The following GALNT17 variants were observed in gnomAD, a reference collection of about 807,000 sequenced individuals.
GALNT17 encodes polypeptide N-acetylgalactosaminyltransferase 17.
In GALNT17, 29 loss-of-function variants were observed where a neutral mutation model predicts 63.7. The ratio of observed to expected loss-of-function variants is 0.46; its 90% CI spans 0.34 to 0.62. The LOEUF is 0.62. Among genes scored for constraint, GALNT17 ranks in the 20% least tolerant of loss-of-function variants. GALNT17 has a pLI of 0.01. For missense variants in GALNT17, 603 were observed against 799.6 expected, an observed-to-expected ratio of 0.75 and a Z score of 2.97; for synonymous variants, 305 against 318.3, an observed-to-expected ratio of 0.96 and a Z score of 0.45.
At chr7:71,186,475 T>C (rs1170124514) in intron 1 of GALNT17, among the ~76,000 whole-genome samples, 1 of 152,240 alleles carries the variant, frequency 6.6e-6, no homozygotes, top group Non-Finnish European at 1.5e-5. Context: ...CTATCTTTGC[T>C]CTTCTTTGGA....
intron 4 of GALNT17, among the ~76,000 whole-genome samples, chr7:71,419,047 C>A (rs1466020351): frequency 6.6e-6 from 1 of 152,076 alleles, no homozygotes; most frequent in African/African-American, 2.4e-5. Flanking sequence ...TGCCATTGCA[C>A]TATAGCCTGA....
chr7:71,616,375 A>C (rs868688042), intron 6 of GALNT17, among the ~76,000 whole-genome samples: 46 of 151,700 alleles, frequency 3.0e-4, no homozygotes, highest in African/African-American at 1.0e-3. Flanking sequence ...TTACCATATG[A>C]ACTGGCCAGT....
intron 5 of GALNT17, among the ~76,000 whole-genome samples, chr7:71,514,018 T>A (rs1584017194): frequency 6.6e-6 from 1 of 152,196 alleles, no homozygotes. Flanking sequence ...ACAGCAAGAC[T>A]GTCTCTACAA....
intron 1 of GALNT17, among the ~76,000 whole-genome samples, chr7:71,236,928 A>C (rs1335481086): frequency 6.6e-6 from 1 of 152,214 alleles, no homozygotes; most frequent in Non-Finnish European, 1.5e-5. Context: ...CTCCACGCTC[A>C]CTGAGTGTCC....
At chr7:71,566,485 C>G (rs950871054) in intron 5 of GALNT17, among the ~76,000 whole-genome samples, 7 of 152,000 alleles carry the variant, frequency 4.6e-5, no homozygotes, top group African/African-American at 1.7e-4. Context: ...CTCAGAAACA[C>G]CCTCTAGAAA....
intron 6 of GALNT17, among the ~76,000 whole-genome samples, chr7:71,604,734 C>T (rs1790020981): frequency 6.6e-6 from 1 of 152,172 alleles, no homozygotes; most frequent in Non-Finnish European, 1.5e-5. Flanking sequence ...AAGCCCAAGT[C>T]CTCTTCTGTA....
intron 5 of GALNT17, among the ~76,000 whole-genome samples, chr7:71,456,907 A>G (rs2116568020): frequency 6.6e-6 from 1 of 152,312 alleles, no homozygotes; most frequent in East Asian, 1.9e-4. Flanking sequence ...TGTGTAAGAC[A>G]GACATTGGTT....
At chr7:71,138,974 CAAAT>C (rs528690832) in intron 1 of GALNT17, among the ~76,000 whole-genome samples, 6 of 152,130 alleles carry the variant, frequency 3.9e-5, no homozygotes, top group Admixed American at 3.3e-4. Context: ...GATTTGGTCT[CAAAT>C]AAATAAATAA....
intron 9 of GALNT17, among the ~76,000 whole-genome samples, chr7:71,706,252 C>T (rs1204917520): frequency 6.6e-6 from 1 of 152,172 alleles, no homozygotes; most frequent in Non-Finnish European, 1.5e-5. Context: ...CAGGGGCCCT[C>T]CTCACCTGCC....
At chr7:71,648,703 C>G (rs1217933624) in intron 6 of GALNT17, among the ~76,000 whole-genome samples, 2 of 152,194 alleles carry the variant, frequency 1.3e-5, no homozygotes, top group Non-Finnish European at 2.9e-5. Context: ...TCCCAAAACA[C>G]TGGGATTACA....
intron 1 of GALNT17, among the ~76,000 whole-genome samples, chr7:71,189,123 A>C (rs1295260090): frequency 1.3e-5 from 2 of 152,194 alleles, no homozygotes; most frequent in Non-Finnish European, 2.9e-5. Flanking sequence ...ACTCAGAGAT[A>C]ATTGAATCAT....
intron 8 of GALNT17, among the ~76,000 whole-genome samples, chr7:71,674,952 G>A (rs1310461851): frequency 6.6e-6 from 1 of 152,126 alleles, no homozygotes; most frequent in African/African-American, 2.4e-5. Context: ...TTGGGAGGCC[G>A]AGGCAGGTGG....
At chr7:71,249,891 T>C (rs1397416635) in intron 1 of GALNT17, among the ~76,000 whole-genome samples, 1 of 152,242 alleles carries the variant, frequency 6.6e-6, no homozygotes, top group African/African-American at 2.4e-5. Context: ...TGCCAGTCAG[T>C]TGCTCTTGCA....
At chr7:71,672,273 A>G (rs910300637) in intron 8 of GALNT17, among the ~76,000 whole-genome samples, 3 of 152,202 alleles carry the variant, frequency 2.0e-5, no homozygotes, top group Non-Finnish European at 2.9e-5. Context: ...ACAGCTCACC[A>G]TTTACCAAAG....
intron 5 of GALNT17, among the ~76,000 whole-genome samples, chr7:71,556,584 T>C (rs910975502): frequency 1.3e-5 from 2 of 152,058 alleles, no homozygotes; most frequent in African/African-American, 4.8e-5. Flanking sequence ...TGAGACAGAG[T>C]CTTACTTCAT....
intron 1 of GALNT17, 92 bp downstream of exon 1, chr7:71,133,132 T>A: frequency 8.4e-7 from 1 of 1,189,224 alleles, no homozygotes; most frequent in Non-Finnish European, 1.1e-6. Flanking sequence ...GCCCTGTGCC[T>A]GGGAGCCGGC....
At chr7:71,363,846 C>G (rs534322788) in intron 2 of GALNT17, among the ~76,000 whole-genome samples, 1 of 152,300 alleles carries the variant, frequency 6.6e-6, no homozygotes, top group African/African-American at 2.4e-5. Flanking sequence ...TACTTGAGCA[C>G]AGTTTGAACA....
chr7:71,153,855 C>A (rs930863447), intron 1 of GALNT17, among the ~76,000 whole-genome samples: 26 of 151,884 alleles, frequency 1.7e-4, no homozygotes, highest in African/African-American at 6.3e-4. Context: ...TTGCAGTAAA[C>A]CAAGATGGTG....
intron 6 of GALNT17, among the ~76,000 whole-genome samples, chr7:71,654,651 T>C (rs1790800412): frequency 6.6e-6 from 1 of 150,536 alleles, no homozygotes; most frequent in Non-Finnish European, 1.5e-5. Flanking sequence ...GTTAATTTCT[T>C]GTTGTTTCAC....
Sources: gnomAD v4.1 joint callset for allele counts (sites outside exome capture counted in the v4.1 genomes callset) on GRCh38, gnomAD v4.1.1 for gene constraint, MANE v1.5 for transcripts, NCBI Gene and HGNC (gene_info 2026-07-23, HGNC 2026-07-21) for gene names.